The following CHD4 variants were observed in gnomAD, a reference collection of about 807,000 sequenced individuals.
CHD4 encodes ATP-dependent chromatin remodeler CHD4.
In CHD4, 35 loss-of-function variants were observed where a neutral mutation model predicts 235.5. The observed-to-expected ratio is 0.15, with a 90% CI of 0.11 to 0.20. The LOEUF (loss-of-function observed/expected upper bound fraction) is 0.20. CHD4 is among the 10% of genes least tolerant of loss of function. The pLI is 1.00. For synonymous variants in CHD4, 900 were observed against 850.2 expected (o/e 1.06, Z -1.02); for missense variants, 1,329 against 2,432.3 (o/e 0.55, Z 9.54).
intron 10 of CHD4, among the ~76,000 whole-genome samples, chr12:6,598,683 C>A (rs1035795042): frequency 6.6e-6 from 1 of 152,202 alleles, no homozygotes; most frequent in Non-Finnish European, 1.5e-5. Context: ...GTGGCATGCG[C>A]CTGTAGTCCC....
intron 22 of CHD4, among the ~76,000 whole-genome samples, chr12:6,590,649 T>A (rs919912924): frequency 9.9e-5 from 15 of 152,074 alleles, no homozygotes; most frequent in Non-Finnish European, 1.0e-4. Flanking sequence ...CAAGACCCCA[T>A]CTCTACAAAA....
chr12:6,606,221 G>A (rs563560501), intron 2 of CHD4, 53 bp downstream of exon 2: 182 of 1,242,188 alleles, frequency 1.5e-4, no homozygotes, highest in Middle Eastern at 9.6e-4. Context: ...GGAGTCACTC[G>A]GGAGAGCCCC....
chr12:6,595,975 A>T, intron 13 of CHD4, 31 bp downstream of exon 13: 2 of 1,576,684 alleles, frequency 1.3e-6, no homozygotes, highest in Non-Finnish European at 1.7e-6. Context: ...AAAAAAAGAA[A>T]CAACTCTATG....
At chr12:6,572,801 C>G (rs1947998804) in intron 38 of CHD4, 5 of 266,114 alleles carry the variant, frequency 1.9e-5, no homozygotes, top group Non-Finnish European at 3.6e-5. Flanking sequence ...ACCTCGTGAT[C>G]CACCTGCCTT....
chr12:6,580,908 G>C (rs1425495711), intron 33 of CHD4, 136 bp downstream of exon 33: 1 of 904,324 alleles, frequency 1.1e-6, no homozygotes. Context: ...TCGGGAGGGT[G>C]AGGCAGGAGA....
chr12:6,594,774 AG>A, intron 14 of CHD4, 124 bp from the exon 15 acceptor site: 3 of 821,842 alleles, frequency 3.7e-6, no homozygotes, highest in Non-Finnish European at 5.6e-6. Flanking sequence ...GAAAATTCGG[AG>A]GGAAGAGATC....
In CHD4 at chr12:6,598,345, C is replaced by T; in HGVS notation, c.1563G>A (p.Arg521=). The part of the protein sequence containing the change: ...GQPPSPTPVP[R]PPDADPNTPS... ...GCGTGTTGGGATCAGCATCTGGAGG[C>T]CGAGGCACTGGTGTGGGAGATGGTG... The change falls in exon 11 of 40, where the codon CGG becomes CGA. Residue 521 remains arginine, a synonymous_variant. Transcript: ENST00000544040. The T allele has an allele frequency of 1.2e-6, 2 of 1,614,168 alleles. No individual in the cohort carries two copies. The highest frequency in any genetic ancestry group is 1.7e-6 in the Non-Finnish European group (2 of 1,180,018).
At chr12:6,574,163 TTC>T (rs760117748) in intron 37 of CHD4, among the ~76,000 whole-genome samples, 9 of 152,354 alleles carry the variant, frequency 5.9e-5, no homozygotes, top group East Asian at 3.9e-4. Context: ...TAAAAACTGT[TTC>T]TGTTTCCTAT....
At chr12:6,576,049 CTTTT>C (rs35630388) in intron 37 of CHD4, among the ~76,000 whole-genome samples, 2 of 145,964 alleles carry the variant, frequency 1.4e-5, no homozygotes, top group African/African-American at 2.5e-5. Flanking sequence ...CTCTCGAGAA[CTTTT>C]TTTTTTTTTT....
rs371268726 is a variant in CHD4, at chr12:6,602,027, T to C, written c.371A>G (p.Lys124Arg). 3.8e-5 allele frequency: 61 copies of C among 1,612,446 alleles called. No homozygotes were observed. The Middle Eastern group carries it at 4.9e-4, about 13-fold the overall frequency. The change falls in exon 4 of 40, where the codon AAA becomes AGA. Residue 124 changes from lysine to arginine, a missense_variant. Around this residue, in one of 26 missense-constraint regions of CHD4, gnomAD observed 213 missense variants for 177.5 expected, o/e 1.20. Coordinates refer to ENST00000544040, the MANE Select transcript of CHD4 (RefSeq NM_001273.5). The part of the protein sequence containing the change: ...KKKKKKLGPK[K>R]EKKSKSKRKE... ...CCGCTTGGATTTGCTCTTCTTCTCT[T>C]TCTTAGGTCCAAGCTTCTTCTTCTT...
At position 6,587,830 on chromosome 12, in the gene CHD4, C is replaced by A. The variant is rs149936307; in HGVS notation, c.3585G>T (p.Thr1195=). 1 of 1,614,220 alleles carries A rather than the reference C, an allele frequency of 6.2e-7. No homozygotes were observed. The highest frequency in any genetic ancestry group is 1.1e-5 in the South Asian group (1 of 91,082). ...CCAGCCCAGGCCGCACCACTAGATG[C>A]GTCAGCATCATTTTCTTCTTTGCCA... ...TQVAKKKMML[T]HLVVRPGLGS... The change falls in exon 24 of 40, where the codon ACG becomes ACT. Residue 1195 remains threonine, a synonymous_variant. Coordinates refer to ENST00000544040, the MANE Select transcript of CHD4 (RefSeq NM_001273.5).
At chr12:6,578,954 G>A (rs758073736) in intron 33 of CHD4, 37 bp from the exon 34 acceptor site, 17 of 1,577,964 alleles carry the variant, frequency 1.1e-5, no homozygotes, top group South Asian at 8.9e-5. Flanking sequence ...ATACCTAAAG[G>A]AAGAACATTC....
chr12:6,574,257 ACT>A (rs1948030492), intron 37 of CHD4, among the ~76,000 whole-genome samples: 1 of 152,066 alleles, frequency 6.6e-6, no homozygotes, highest in Non-Finnish European at 1.5e-5. Flanking sequence ...TTTAAAAGGT[ACT>A]CTTATGTTGT....
chr12:6,573,417 AGT>A, intron 37 of CHD4, 148 bp from the exon 38 acceptor site: 1 of 518,446 alleles, frequency 1.9e-6, no homozygotes, highest in Non-Finnish European at 3.1e-6. Flanking sequence ...ACACCCAAGT[AGT>A]TTAACTTTGC....
In CHD4 at chr12:6,602,026, T is replaced by C. The variant is rs1948603665; in HGVS notation, c.372A>G (p.Lys124=). 1.2e-6 allele frequency: 2 copies of C among 1,612,404 alleles called. No individual in the cohort carries two copies. The highest frequency in any genetic ancestry group is 1.7e-5 in the Admixed American group (1 of 59,942). Residue 124 remains lysine (K), a synonymous_variant, in exon 4 of 40, where the codon AAA becomes AAG. Transcript: ENST00000544040. ...KKKKKKLGPK[K]EKKSKSKRKE... is the part of the protein sequence containing the mutation. ...TCCGCTTGGATTTGCTCTTCTTCTCTTTCTTAGGTCCAAGCTTCTTCTTCT... is the reference window on the plus strand; with the variant it reads ...TCCGCTTGGATTTGCTCTTCTTCTCCTTCTTAGGTCCAAGCTTCTTCTTCT...
chr12:6,576,890 G>A (rs1293863863), intron 37 of CHD4, among the ~76,000 whole-genome samples: 1 of 151,818 alleles, frequency 6.6e-6, no homozygotes, highest in African/African-American at 2.4e-5. Flanking sequence ...AGGCTTATTA[G>A]TGTACCATTT....
intron 2 of CHD4, among the ~76,000 whole-genome samples, chr12:6,605,669 C>T (rs1166675465): frequency 6.6e-6 from 1 of 152,302 alleles, no homozygotes; most frequent in Non-Finnish European, 1.5e-5. Flanking sequence ...ACATCCTCCC[C>T]GAGCCCCCAT....
chr12:6,580,890 C>A, intron 33 of CHD4, 154 bp downstream of exon 33: 1 of 784,642 alleles, frequency 1.3e-6, no homozygotes, highest in South Asian at 1.8e-5. Flanking sequence ...GTCTGTAATC[C>A]CAGCTCCTCG....
Position 6,601,068 on chromosome 12 carries a change from T to C in CHD4, c.800-15A>G. On this transcript the variant is annotated splice_polypyrimidine_tract_variant and intron_variant, in intron 6 of 39. Transcript: ENST00000544040. Reference sequence around the variant, plus strand: ...AGCATTGGGACCTAAAATCAGGATATATCCAAATATATACCACAAGACCAA... The same window carrying C: ...AGCATTGGGACCTAAAATCAGGATACATCCAAATATATACCACAAGACCAA... The C allele has an allele frequency of 3.2e-6, 5 of 1,547,624 alleles. No homozygotes were observed. Among genetic ancestry groups the C allele is most frequent in the South Asian group, 1.2e-5 (1 of 81,010 alleles).
Sources: allele counts gnomAD v4.1 joint callset (sites outside exome capture counted in the v4.1 genomes callset), GRCh38; gene constraint gnomAD v4.1.1; regional missense constraint gnomAD v4.1.1; transcripts MANE v1.5; gene names NCBI Gene and HGNC (gene_info 2026-07-23, HGNC 2026-07-21).